Variants in GABRB1 observed in about 807,000 individuals in gnomAD.
The protein encoded by GABRB1 is gamma-aminobutyric acid type A receptor subunit beta1, also known as gamma-aminobutyric acid receptor subunit beta-1.
In GABRB1, 17 loss-of-function variants were observed where a neutral mutation model predicts 51.6. The observed-to-expected ratio is 0.33, with a 90% CI of 0.23 to 0.49. The LOEUF is 0.49. Ranked by LOEUF, GABRB1 falls within the 20% of genes least tolerant of loss-of-function variation. The pLI is 0.99. For synonymous variants in GABRB1, 247 were observed against 218.9 expected (o/e 1.13, Z -1.14); for missense variants, 410 against 600.6 (o/e 0.68, Z 3.32).
At chr4:47,131,490 T>C (rs1716416051) in intron 3 of GABRB1, among the ~76,000 whole-genome samples, 1 of 152,162 alleles carries the variant, frequency 6.6e-6, no homozygotes, top group Admixed American at 6.5e-5. Context: ...ATGTAGCCAT[T>C]GCTGTAGATT....
intron 3 of GABRB1, among the ~76,000 whole-genome samples, chr4:47,097,902 T>C (rs1324730037): frequency 1.3e-5 from 2 of 152,210 alleles, no homozygotes; most frequent in Non-Finnish European, 2.9e-5. Context: ...ACTCAAGATC[T>C]CTGAGTATTC....
chr4:47,406,637 T>G, intron 7 of GABRB1, 45 bp from the exon 8 acceptor site: 1 of 1,611,470 alleles, frequency 6.2e-7, no homozygotes, highest in South Asian at 1.1e-5. Flanking sequence ...AAAAAGGAAC[T>G]TAATAGTGGC....
chr4:47,309,616 A>T (rs1260273102), intron 4 of GABRB1, among the ~76,000 whole-genome samples: 3 of 152,142 alleles, frequency 2.0e-5, no homozygotes, highest in Non-Finnish European at 4.4e-5. Context: ...AGTAAGTCAC[A>T]GGGTATAGTA....
chr4:47,356,892 T>G (rs1325732831), intron 5 of GABRB1, among the ~76,000 whole-genome samples: 1 of 152,182 alleles, frequency 6.6e-6, no homozygotes, highest in Admixed American at 6.5e-5. Context: ...GTAGGTCCTA[T>G]ATGTCAGTCT....
chr4:47,254,920 C>T (rs73150158), intron 4 of GABRB1, among the ~76,000 whole-genome samples: 1 of 152,158 alleles, frequency 6.6e-6, no homozygotes, highest in South Asian at 2.1e-4. Context: ...CATGACACTG[C>T]AGGAGAGAAC....
At chr4:47,202,946 A>G (rs1719948332) in intron 4 of GABRB1, among the ~76,000 whole-genome samples, 1 of 152,156 alleles carries the variant, frequency 6.6e-6, no homozygotes, top group South Asian at 2.1e-4. Flanking sequence ...ACAAGGACAC[A>G]AAGCCATTAG....
At chr4:47,386,793 G>C (rs1017289184) in intron 5 of GABRB1, among the ~76,000 whole-genome samples, 18 of 152,262 alleles carry the variant, frequency 1.2e-4, no homozygotes, top group Admixed American at 1.0e-3. Context: ...GGGCAATATA[G>C]TAACCCCACA....
chr4:47,227,110 C>A (rs1371328385), intron 4 of GABRB1, among the ~76,000 whole-genome samples: 3 of 152,142 alleles, frequency 2.0e-5, no homozygotes, highest in African/African-American at 4.8e-5. Flanking sequence ...GCCGCAGGTG[C>A]CTTTTCCCTT....
intron 3 of GABRB1, among the ~76,000 whole-genome samples, chr4:47,074,469 C>A (rs531583674): frequency 6.6e-6 from 1 of 152,148 alleles, no homozygotes; most frequent in Non-Finnish European, 1.5e-5. Flanking sequence ...AAGTGGGAGG[C>A]AGGACATTTT....
At chr4:47,093,470 A>AT (rs1250779506) in intron 3 of GABRB1, among the ~76,000 whole-genome samples, 1 of 152,232 alleles carries the variant, frequency 6.6e-6, no homozygotes, top group African/African-American at 2.4e-5. Context: ...AAACAAAACC[A>AT]TAAGCTTGTC....
intron 3 of GABRB1, among the ~76,000 whole-genome samples, chr4:47,142,827 G>A (rs1485745380): frequency 6.6e-6 from 1 of 151,814 alleles, no homozygotes; most frequent in East Asian, 1.9e-4. Flanking sequence ...AGATGTGCCT[G>A]GGATGTGAAA....
At chr4:47,125,526 A>G (rs555756913) in intron 3 of GABRB1, among the ~76,000 whole-genome samples, 2 of 149,868 alleles carry the variant, frequency 1.3e-5, no homozygotes, top group East Asian at 3.9e-4. Context: ...CTATAGATAC[A>G]TAGGTATCTC....
At chr4:47,328,134 C>T (rs1282347016) in intron 5 of GABRB1, among the ~76,000 whole-genome samples, 1 of 152,264 alleles carries the variant, frequency 6.6e-6, no homozygotes, top group East Asian at 1.9e-4. Context: ...TGTTCATATC[C>T]TTTGCCCACT....
At chr4:47,359,044 A>G (rs1726701558) in intron 5 of GABRB1, among the ~76,000 whole-genome samples, 1 of 152,158 alleles carries the variant, frequency 6.6e-6, no homozygotes, top group Non-Finnish European at 1.5e-5. Context: ...TCCCACAAGC[A>G]ATAGGACAAG....
At chr4:47,281,637 A>G (rs187559338) in intron 4 of GABRB1, among the ~76,000 whole-genome samples, 1 of 152,324 alleles carries the variant, frequency 6.6e-6, no homozygotes, top group African/African-American at 2.4e-5. Flanking sequence ...AAGATATGGA[A>G]GCAATCTAAG....
chr4:47,039,481 T>C (rs903613525), intron 3 of GABRB1, among the ~76,000 whole-genome samples: 1 of 151,874 alleles, frequency 6.6e-6, no homozygotes, highest in Non-Finnish European at 1.5e-5. Context: ...ATTTTTCTTT[T>C]TAGAGGAATG....
At chr4:47,142,103 T>G (rs1242616849) in intron 3 of GABRB1, among the ~76,000 whole-genome samples, 1 of 151,920 alleles carries the variant, frequency 6.6e-6, no homozygotes, top group African/African-American at 2.4e-5. Context: ...ATAAATGTGA[T>G]AAATGCTAAA....
In GABRB1 at chr4:47,185,053, C is replaced by T. The variant is rs1458373451; in HGVS notation, c.461+23584C>T. On this transcript the variant is annotated intron_variant, in intron 4 of 8. Transcript: ENST00000295454. ...TCGGATTTCACTCCTCTAAAATAGG[C>T]AATAAATGTATCTTTAATTTTATTT... is the stretch of plus-strand genomic sequence containing the variant. Among the ~76,000 whole-genome samples, 4 of 151,890 alleles carry T rather than the reference C, an allele frequency of 2.6e-5. No homozygotes were observed. In the East Asian group the frequency reaches 5.8e-4, roughly 22 times the overall value.
At chr4:47,257,264 C>T (rs993135766) in intron 4 of GABRB1, among the ~76,000 whole-genome samples, 1 of 152,070 alleles carries the variant, frequency 6.6e-6, no homozygotes, top group African/African-American at 2.4e-5. Context: ...TTTCCTTTTC[C>T]CTTCAGGTTT....
Sources: allele counts gnomAD v4.1 joint callset (sites outside exome capture counted in the v4.1 genomes callset), GRCh38; gene constraint gnomAD v4.1.1; transcripts MANE v1.5; gene names NCBI Gene and HGNC (gene_info 2026-07-23, HGNC 2026-07-21).